Variants in PNPLA2 observed in about 807,000 individuals in gnomAD.
The protein encoded by PNPLA2 is patatin-like phospholipase domain-containing protein 2.
Under a neutral mutation model 39.7 loss-of-function variants are expected in PNPLA2, and 28 were observed. That is an observed-to-expected ratio of 0.70 (90% CI 0.52 to 0.97). The LOEUF (loss-of-function observed/expected upper bound fraction) is 0.97. Among genes scored for constraint, PNPLA2 ranks in the 50% least tolerant of loss-of-function variants. The pLI, the probability that PNPLA2 is intolerant of heterozygous loss-of-function variation, is 0.00. For missense variants in PNPLA2, 768 were observed against 698.2 expected (o/e 1.10, Z -1.13); for synonymous variants, 392 against 321.1 (o/e 1.22, Z -2.36).
At chr11:822,653 G>A (rs1174428077) in intron 5 of PNPLA2, 47 bp downstream of exon 5, 2 of 1,443,936 alleles carry the variant, frequency 1.4e-6, no homozygotes, top group Admixed American at 1.7e-5. Context: ...ACTCCTCACT[G>A]GGCACCAAGG....
rs1292276554 is a variant in PNPLA2 at position 819,562 on chromosome 11, C to CCGCCCGCGTAGCTTCTT, written c.-145-7_-136dup. ...CACACTTAAAAGCGCCGCCTCCGCG[C>CCGCCCGCGTAGCTTCTT]CGCCCGCGTAGCTTCTTCGCCTCCG... On this transcript the variant is annotated splice_polypyrimidine_tract_variant and intron_variant, in intron 1 of 9. Coordinates refer to ENST00000336615, the MANE Select transcript of PNPLA2 (RefSeq NM_020376.4). 1 of 1,291,388 alleles carries CCGCCCGCGTAGCTTCTT rather than the reference C, an allele frequency of 7.7e-7. No individual in the cohort carries two copies. Among genetic ancestry groups the CCGCCCGCGTAGCTTCTT allele is most frequent in the Non-Finnish European group, 9.8e-7 (1 of 1,017,818 alleles). 80.0% of individuals were successfully genotyped at this position (1,291,388 alleles called of 1,614,324 possible).
Position 819,668 on chromosome 11 carries a change from C to T in PNPLA2, c.-51C>T. Reference sequence around the variant, plus strand: ...GCGAGCGAGCGGCGAGCAGGCGGCTCACAGAGGCCTGGCCGCCCACGGAAC... The same window carrying T: ...GCGAGCGAGCGGCGAGCAGGCGGCTTACAGAGGCCTGGCCGCCCACGGAAC... On this transcript the variant is annotated 5_prime_UTR_variant, in exon 2 of 10. Transcript: ENST00000336615. 2.1e-6 allele frequency: 3 copies of T among 1,442,996 alleles called. No individual in the cohort carries two copies. The highest frequency in any genetic ancestry group is 1.3e-5 in the South Asian group (1 of 75,982). 89.4% of individuals were successfully genotyped at this position (1,442,996 alleles called of 1,614,324 possible).
intron 4 of PNPLA2, 129 bp from the exon 5 acceptor site, chr11:822,268 A>C (rs1845691430): frequency 1.1e-6 from 1 of 894,760 alleles, no homozygotes; most frequent in African/African-American, 1.6e-5. Flanking sequence ...GCCAGTGCCC[A>C]GTGGGTAAAA....
In PNPLA2 at chr11:819,635, C is replaced by A. The variant is rs1307566129; in HGVS notation, c.-84C>A. 17 of 1,357,556 alleles carry A rather than the reference C, an allele frequency of 1.3e-5. No homozygotes were observed. Among genetic ancestry groups the A allele is most frequent in the Non-Finnish European group, 1.6e-5 (17 of 1,040,830 alleles). 84.1% of individuals were successfully genotyped at this position (1,357,556 alleles called of 1,614,324 possible). Reference sequence around the variant, plus strand: ...GCCGCAGCGGGACCTGCCCGGCCCCCGGCTCCAGCGAGCGAGCGGCGAGCA... The same window carrying A: ...GCCGCAGCGGGACCTGCCCGGCCCCAGGCTCCAGCGAGCGAGCGGCGAGCA... On this transcript the variant is annotated 5_prime_UTR_variant, in exon 2 of 10. Coordinates refer to ENST00000336615, the MANE Select transcript of PNPLA2 (RefSeq NM_020376.4).
In PNPLA2 at chr11:825,017, C is replaced by T; in HGVS notation, c.*155C>T. The T allele has an allele frequency of 1.4e-6, 1 of 720,610 alleles. No individual in the cohort carries two copies. The highest frequency in any genetic ancestry group is 2.4e-6 in the Non-Finnish European group (1 of 411,070). The allele number at this position is 720,610 out of a possible 1,614,324, so 44.6% of individuals were successfully genotyped here. ...TGCACTGAGAGGGGAGGTTTCCACA[C>T]CCCTCCCCTGGGCCGCTGAGGCCCC... On this transcript the variant is annotated 3_prime_UTR_variant, in exon 10 of 10. Transcript: ENST00000336615.
Position 821,796 on chromosome 11 carries a change from C to T in PNPLA2, c.356C>T (p.Thr119Ile). The change falls in exon 3 of 10, where the codon ACC (threonine) becomes ATC (isoleucine). Residue 119 changes from threonine (T) to isoleucine (I), a missense_variant. Coordinates refer to ENST00000336615, the MANE Select transcript of PNPLA2 (RefSeq NM_020376.4). ...HASGRLGISL[T>I]RVSDGENVII... Reference sequence around the variant, plus strand: ...AGTGGGCGCCTGGGCATCTCCCTGACCCGCGTGTCAGACGGCGAGAATGTC... The same window carrying T: ...AGTGGGCGCCTGGGCATCTCCCTGATCCGCGTGTCAGACGGCGAGAATGTC... 1 of 1,614,008 alleles carries T rather than the reference C, an allele frequency of 6.2e-7. No homozygotes were observed. Among genetic ancestry groups the T allele is most frequent in the Non-Finnish European group, 8.5e-7 (1 of 1,180,046 alleles).
In PNPLA2 at chr11:824,740, G is replaced by C. The variant is rs977049433; in HGVS notation, c.1393G>C (p.Ala465Pro). 3 of 1,576,242 alleles carry C rather than the reference G, an allele frequency of 1.9e-6. No homozygotes were observed. Among genetic ancestry groups the C allele is most frequent in the African/African-American group, 1.3e-5 (1 of 74,266 alleles). Reference protein sequence around the residue: ...PPEALRMRAPADPAPAPADPA... With the variant: ...PPEALRMRAPPDPAPAPADPA... ...CGAAGCTCTGCGCATGCGCGCACCC[G>C]CCGACCCGGCTCCCGCCCCCGCGGA... is the stretch of plus-strand genomic sequence containing the variant. Residue 465 changes from alanine to proline, a missense_variant, in exon 10 of 10, where the codon GCC (alanine) becomes CCC (proline). Coordinates refer to ENST00000336615, the MANE Select transcript of PNPLA2 (RefSeq NM_020376.4).
In PNPLA2 at chr11:823,769, C is replaced by T; in HGVS notation, c.833C>T (p.Ala278Val). ...RPHGPEDKDQ[A>V]VESAQAEDYS... Reference sequence around the variant, plus strand: ...CACGGCCCAGAGGACAAGGACCAGGCAGTGGAGAGCGCCCAAGCGGAGGAT... The same window carrying T: ...CACGGCCCAGAGGACAAGGACCAGGTAGTGGAGAGCGCCCAAGCGGAGGAT... The change falls in exon 7 of 10, where the codon GCA becomes GTA. Residue 278 changes from alanine (A) to valine (V), a missense_variant. Physicochemically the swap from Ala to Val is moderately conservative, Grantham distance 64 (BLOSUM62 0). Transcript: ENST00000336615. 1 of 1,608,604 alleles carries T rather than the reference C, an allele frequency of 6.2e-7. No homozygotes were observed. Among genetic ancestry groups the T allele is most frequent in the Non-Finnish European group, 8.5e-7 (1 of 1,178,164 alleles).
intron 5 of PNPLA2, among the ~76,000 whole-genome samples, chr11:822,829 T>TTG (rs1845715527): frequency 6.6e-6 from 1 of 151,080 alleles, no homozygotes; most frequent in Non-Finnish European, 1.5e-5. Context: ...TCTTTTTTTT[T>TTG]TTTTTTTTTG....
At chr11:822,820 CTTTT>C (rs528124756) in intron 5 of PNPLA2, among the ~76,000 whole-genome samples, 5 of 131,452 alleles carry the variant, frequency 3.8e-5, no homozygotes, top group Middle Eastern at 4.2e-3. Context: ...GTCTCTCTCT[CTTTT>C]TTTTTTTTTT....
Position 824,953 on chromosome 11 carries a change from T to A in PNPLA2, c.*91T>A, listed in dbSNP as rs1167353922. Reference sequence around the variant, plus strand: ...GGACTCACAGTTGCCAAGAGGGGTCTTTGCCGTGGGCCCCCTCGCCAGCCA... The same window carrying A: ...GGACTCACAGTTGCCAAGAGGGGTCATTGCCGTGGGCCCCCTCGCCAGCCA... On this transcript the variant is annotated 3_prime_UTR_variant, in exon 10 of 10. Transcript: ENST00000336615. The A allele has an allele frequency of 1.6e-5, 18 of 1,122,492 alleles. No homozygotes were observed. The highest frequency in any genetic ancestry group is 2.2e-5 in the Non-Finnish European group (17 of 772,202). 69.5% of individuals were successfully genotyped at this position (1,122,492 alleles called of 1,614,324 possible).
chr11:820,236 C>T (rs886576464), intron 2 of PNPLA2, among the ~76,000 whole-genome samples: 1 of 152,228 alleles, frequency 6.6e-6, no homozygotes, highest in East Asian at 1.9e-4. Context: ...TAAGTCACCC[C>T]GTGGCCCTGG....
intron 6 of PNPLA2, 41 bp downstream of exon 6, chr11:823,628 T>C (rs752723929): frequency 1.2e-6 from 2 of 1,603,322 alleles, no homozygotes; most frequent in Non-Finnish European, 1.7e-6. Context: ...TGGGCTCGGC[T>C]CTGCTACCCC....
In PNPLA2 at chr11:821,865, G is replaced by A. The variant is rs747086532; in HGVS notation, c.420+5G>A. The stretch of plus-strand genomic sequence containing the variant: ...TCCAAGGACGAGCTCATCCAGGTGG[G>A]GCCTGGTGGAGCCATGCTGGGTGGC... On this transcript the variant is annotated splice_donor_5th_base_variant and intron_variant, in intron 3 of 9. Transcript: ENST00000336615. The A allele has an allele frequency of 2.5e-6, 4 of 1,612,016 alleles. No homozygotes were observed. The highest frequency in any genetic ancestry group is 4.5e-5 in the East Asian group (2 of 44,874).
Position 823,632 on chromosome 11 carries a change from C to T in PNPLA2, c.757+45C>T, listed in dbSNP as rs570513648. 16 of 1,601,854 alleles carry T rather than the reference C, an allele frequency of 1.0e-5. No individual in the cohort carries two copies. In the African/African-American group the frequency reaches 2.0e-4, roughly 20 times the overall value. ...AGAGGGCGGGGTGGGCTCGGCTCTGCTACCCCCTGCGGGCCGCGGCCGCGC... is the reference window on the plus strand; with the variant it reads ...AGAGGGCGGGGTGGGCTCGGCTCTGTTACCCCCTGCGGGCCGCGGCCGCGC... On this transcript the variant is annotated intron_variant, in intron 6 of 9. Transcript: ENST00000336615.
chr11:819,993 C>T (rs1845614681), intron 2 of PNPLA2, 88 bp downstream of exon 2: 2 of 1,057,208 alleles, frequency 1.9e-6, no homozygotes, highest in African/African-American at 1.7e-5. Flanking sequence ...AGGGGCCCCG[C>T]GGCGAGTCGG....
rs1486318364 is a variant in PNPLA2 at position 824,447 on chromosome 11, G to T, written c.1175+11G>T. ...GCACCTGCCCTCCAGGTGAGCCGCC[G>T]ACCGCGCGTCCACCCGGGGCCCGCG... On this transcript the variant is annotated intron_variant, in intron 9 of 9. Transcript: ENST00000336615. The T allele has an allele frequency of 1.3e-6, 2 of 1,551,796 alleles. No homozygotes were observed. The highest frequency in any genetic ancestry group is 1.2e-5 in the South Asian group (1 of 84,292).
Position 821,613 on chromosome 11 carries a change from G to T in PNPLA2, c.188-15G>T. ...CCCAGGAGCATGGGCCCCTAACCTT[G>T]GCCCTGTGCCCCAGGTGAGGCTGGT... On this transcript the variant is annotated splice_polypyrimidine_tract_variant and intron_variant, in intron 2 of 9. Transcript: ENST00000336615. 1 of 1,598,248 alleles carries T rather than the reference G, an allele frequency of 6.3e-7. No homozygotes were observed. The highest frequency in any genetic ancestry group is 8.6e-7 in the Non-Finnish European group (1 of 1,166,122).
At chr11:823,473 G>A in intron 5 of PNPLA2, 54 bp from the exon 6 acceptor site, 1 of 1,522,008 alleles carries the variant, frequency 6.6e-7, no homozygotes, top group South Asian at 1.2e-5. Flanking sequence ...GGATTCCAGG[G>A]GCAGAACGGG....
Sources: gnomAD v4.1 joint callset for allele counts (sites outside exome capture counted in the v4.1 genomes callset) on GRCh38, gnomAD v4.1.1 for gene constraint, MANE v1.5 for transcripts, NCBI Gene and HGNC (gene_info 2026-07-23, HGNC 2026-07-21) for gene names.